The following CD99L2 variants were observed in gnomAD, a reference collection of about 807,000 sequenced individuals.
CD99L2 encodes the protein CD99 antigen-like protein 2.
Under a neutral mutation model 27.3 loss-of-function variants are expected in CD99L2, and 24 were observed. The ratio of observed to expected loss-of-function variants is 0.88; its 90% CI spans 0.64 to 1.24. CD99L2 has a LOEUF of 1.24. CD99L2 is among the 50% of genes most tolerant of loss of function. CD99L2 has a pLI of 0.00. For synonymous variants in CD99L2, 97 were observed against 87.9 expected (o/e 1.10, Z -0.58); for missense variants, 255 against 221.6 (o/e 1.15, Z -0.96).
chrX:150,785,955 CTTTTG>C (rs1241319814), intron 7 of CD99L2, among the ~76,000 whole-genome samples: 1 of 111,195 alleles, frequency 9.0e-6, no homozygotes, highest in Non-Finnish European at 1.9e-5. Context: ...TTTTATAAGT[CTTTTG>C]TTTTGTTGTT....
At chrX:150,849,435 C>T (rs782396754) in intron 1 of CD99L2, among the ~76,000 whole-genome samples, 2 of 111,386 alleles carry the variant, frequency 1.8e-5, no homozygotes, top group East Asian at 2.8e-4. Flanking sequence ...TAGTACATGC[C>T]TGTAGTCCCA....
At chrX:150,867,631 C>T (rs2047082496) in intron 1 of CD99L2, among the ~76,000 whole-genome samples, 2 of 110,513 alleles carry the variant, frequency 1.8e-5, no homozygotes, top group African/African-American at 3.3e-5. Context: ...CGGTGGCTCA[C>T]GCCTTTAATC....
intron 2 of CD99L2, chrX:150,819,235 G>A: frequency 2.9e-6 from 1 of 349,502 alleles, no homozygotes; most frequent in Non-Finnish European, 5.5e-6. Flanking sequence ...TGCCAAATAT[G>A]GACAACTCTA....
intron 7 of CD99L2, among the ~76,000 whole-genome samples, chrX:150,785,280 A>C (rs1557419522): frequency 9.0e-6 from 1 of 110,900 alleles, no homozygotes; most frequent in Non-Finnish European, 1.9e-5. Context: ...CTAATTAAGA[A>C]AAATTTCAAA....
intron 1 of CD99L2, among the ~76,000 whole-genome samples, chrX:150,868,908 G>A (rs1569566125): frequency 1.8e-5 from 2 of 111,977 alleles, no homozygotes; most frequent in Non-Finnish European, 3.8e-5. Flanking sequence ...TTACACACAT[G>A]AGGATCAATA....
chrX:150,797,321 T>C (rs1557419935), intron 4 of CD99L2, among the ~76,000 whole-genome samples: 1 of 112,391 alleles, frequency 8.9e-6, no homozygotes, highest in Non-Finnish European at 1.9e-5. Flanking sequence ...TGGGACACTG[T>C]AGATCTTGTA....
chrX:150,769,118 C>A lies in CD99L2; in HGVS notation c.722-17G>T. The A allele has an allele frequency of 2.6e-6, 3 of 1,161,320 alleles. No individual in the cohort carries two copies. The highest frequency in any genetic ancestry group is 3.4e-6 in the Non-Finnish European group (3 of 875,528). The stretch of plus-strand genomic sequence containing the variant: ...AGTATTTCACTAGGGGAAAAAGAGG[C>A]CGTCAGAAGGAATTCTGCTCTGTCT... On this transcript the variant is annotated splice_polypyrimidine_tract_variant and intron_variant, in intron 10 of 10. Transcript: ENST00000370377.
chrX:150,867,440 A>G (rs58238785), intron 1 of CD99L2, among the ~76,000 whole-genome samples: 25,366 of 110,258 alleles, frequency 0.23, 2,536 homozygotes, highest in African/African-American at 0.39. Context: ...CATATTCATG[A>G]GGCATATAGT....
intron 7 of CD99L2, among the ~76,000 whole-genome samples, chrX:150,778,042 G>C (rs1239703401): frequency 1.8e-5 from 2 of 111,912 alleles, no homozygotes; most frequent in African/African-American, 6.5e-5. Context: ...GGTGAGAGTT[G>C]GGAGGGAGGG....
chrX:150,890,513 C>T (rs1487035158), intron 1 of CD99L2, among the ~76,000 whole-genome samples: 9 of 111,881 alleles, frequency 8.0e-5, no homozygotes, highest in African/African-American at 2.9e-4. Flanking sequence ...TAAAAATAAA[C>T]TTGCTTTCAA....
Position 150,766,411 on chromosome X carries a change from G to GAT in CD99L2, c.*2621_*2622dup, listed in dbSNP as rs2043313164. 9.0e-6 allele frequency: 1 copy of GAT among 110,926 alleles called. No homozygotes were observed. Among genetic ancestry groups the GAT allele is most frequent in the Non-Finnish European group, 1.9e-5 (1 of 52,994 alleles). 9.1% of individuals were successfully genotyped at this position (110,926 alleles called of 1,213,427 possible). A position where few individuals can be genotyped will look rare whatever the true frequency, so the allele number is the denominator to read the frequency against. On this transcript the variant is annotated 3_prime_UTR_variant, in exon 11 of 11. Transcript: ENST00000370377. Reference sequence around the variant, plus strand: ...ACACCTGGACACAAGCACGTGAACAGATGTACAGGGAATTCTGGAATTTTG... The same window carrying GAT: ...ACACCTGGACACAAGCACGTGAACAGATATGTACAGGGAATTCTGGAATTTTG...
rs542688533 is a variant in CD99L2 at position 150,853,672 on chromosome X, A to G, written c.68-22379T>C. 1.3e-4 allele frequency among the ~76,000 whole-genome samples: 15 copies of G among 111,612 alleles called. No individual in the cohort carries two copies. The South Asian group carries it at 5.7e-3, about 42-fold the overall frequency. ...CTGGTTGGCACAGGTCTGCGACTAT[A>G]ATCTCTTTAATGATAAAAAAGCACA... is the stretch of plus-strand genomic sequence containing the variant. On this transcript the variant is annotated intron_variant, in intron 1 of 10. Coordinates refer to ENST00000370377, the MANE Select transcript of CD99L2 (RefSeq NM_031462.4).
At chrX:150,818,682 C>T (rs782004961) in intron 2 of CD99L2, 3 of 138,218 alleles carry the variant, frequency 2.2e-5, no homozygotes, top group Admixed American at 1.6e-4. Flanking sequence ...GATCTCAAAT[C>T]GATAACCTAA....
intron 4 of CD99L2, among the ~76,000 whole-genome samples, chrX:150,802,354 AG>A (rs782599517): frequency 9.1e-6 from 1 of 109,968 alleles, no homozygotes; most frequent in African/African-American, 3.3e-5. Flanking sequence ...ACCTGAGCTC[AG>A]GAGTTTGAGA....
Position 150,801,522 on chromosome X carries a change from A to G in CD99L2, c.278-6036T>C, listed in dbSNP as rs141691114. 6.2e-3 allele frequency among the ~76,000 whole-genome samples: 684 copies of G among 111,088 alleles called. 7 individuals carry two copies. Among genetic ancestry groups the G allele is most frequent in the African/African-American group, 0.02 (616 of 30,439 alleles). On this transcript the variant is annotated intron_variant, in intron 4 of 10. Transcript: ENST00000370377. ...CATGGGGAACCATCCCTATGATCCA[A>G]TCACCTTCCACCAGGTCCCTCCCTA... is the stretch of plus-strand genomic sequence containing the variant.
chrX:150,898,561 C>A lies in CD99L2; in HGVS notation c.28G>T (p.Val10Phe), dbSNP rs1557423155. 1.8e-6 allele frequency: 2 copies of A among 1,118,287 alleles called. No homozygotes were observed. The highest frequency in any genetic ancestry group is 2.3e-6 in the Non-Finnish European group (2 of 851,582). 92.2% of individuals were successfully genotyped at this position (1,118,287 alleles called of 1,213,427 possible). A position where few individuals can be genotyped will look rare whatever the true frequency, so the allele number is the denominator to read the frequency against. The part of the protein sequence containing the change: MVAWRSAFL[V>F]CLAFSLATLV... ...GTGGCCAAGGAGAAAGCGAGGCAGA[C>A]AAGGAACGCCGAGCGCCAGGCCACC... Residue 10 changes from valine to phenylalanine, a missense_variant, in exon 1 of 11, where the codon GTC becomes TTC. Coordinates refer to ENST00000370377, the MANE Select transcript of CD99L2 (RefSeq NM_031462.4).
intron 9 of CD99L2, among the ~76,000 whole-genome samples, chrX:150,774,994 G>A (rs782600377): frequency 8.9e-6 from 1 of 112,693 alleles, no homozygotes; most frequent in Non-Finnish European, 1.9e-5. Context: ...CGCAGGCTGC[G>A]CACTGACATG....
At chrX:150,793,893 C>G in intron 6 of CD99L2, 137 bp from the exon 7 acceptor site, 2 of 424,008 alleles carry the variant, frequency 4.7e-6, no homozygotes, top group Non-Finnish European at 3.9e-6. Context: ...TCTAAGAGGT[C>G]CCCCCAGACC....
At chrX:150,860,234 T>G (rs1182190031) in intron 1 of CD99L2, among the ~76,000 whole-genome samples, 2 of 112,254 alleles carry the variant, frequency 1.8e-5, no homozygotes, top group Middle Eastern at 4.6e-3. Context: ...ACACGATCAT[T>G]TCAATAGACA....
Sources: allele counts gnomAD v4.1 joint callset (sites outside exome capture counted in the v4.1 genomes callset), GRCh38; gene constraint gnomAD v4.1.1; transcripts MANE v1.5; gene names NCBI Gene and HGNC (gene_info 2026-07-23, HGNC 2026-07-21).